The following ZNF451 variants were observed in gnomAD, a reference collection of about 807,000 sequenced individuals.
ZNF451 encodes the protein E3 SUMO-protein ligase ZNF451.
In ZNF451, 80 loss-of-function variants were observed where a neutral mutation model predicts 107.1. That is an observed-to-expected ratio of 0.75 (90% confidence interval 0.62 to 0.90). The LOEUF is 0.90. ZNF451 is among the 40% of genes least tolerant of loss of function. The pLI, the probability that ZNF451 is intolerant of heterozygous loss-of-function variation, is 0.00. For missense variants in ZNF451, 1,107 were observed against 1,236.2 expected (o/e 0.90, Z 1.57); for synonymous variants, 362 against 406.5 (o/e 0.89, Z 1.32).
intron 3 of ZNF451, among the ~76,000 whole-genome samples, chr6:57,111,295 A>G (rs1047232392): frequency 6.6e-6 from 1 of 150,772 alleles, no homozygotes; most frequent in Non-Finnish European, 1.5e-5. Flanking sequence ...CAGAGGTGGA[A>G]CAGTGGCACT....
intron 8 of ZNF451, 131 bp from the exon 9 acceptor site, chr6:57,141,817 A>G (rs1050386373): frequency 5.0e-6 from 4 of 797,214 alleles, no homozygotes; most frequent in Non-Finnish European, 7.6e-6. Flanking sequence ...GGCTTCCCTT[A>G]GATTTTTATT....
intron 3 of ZNF451, chr6:57,103,434 C>T (rs1313886228): frequency 1.0e-6 from 1 of 985,210 alleles, no homozygotes; most frequent in Non-Finnish European, 1.2e-6. Context: ...CCCAATTGGT[C>T]CCATTAATAG....
intron 10 of ZNF451, 35 bp from the exon 11 acceptor site, chr6:57,150,684 T>A (rs1352521723): frequency 1.3e-6 from 2 of 1,558,300 alleles, no homozygotes; most frequent in Non-Finnish European, 1.7e-6. Context: ...TAGCAAATTC[T>A]TACTGAACTC....
chr6:57,147,823 A>C lies in ZNF451; in HGVS notation c.1738A>C (p.Asn580His). ...TLPSSSTTLD[N>H]LTANKPSSAI... ...GCCATCATCCTCTACAACATTGGATAATTTGACTGCTAACAAGCCTTCATC... is the reference window on the plus strand; with the variant it reads ...GCCATCATCCTCTACAACATTGGATCATTTGACTGCTAACAAGCCTTCATC... The change falls in exon 10 of 15, where the codon AAT becomes CAT. Residue 580 changes from asparagine to histidine, a missense_variant. Physicochemically the swap from Asn to His is moderately conservative, Grantham distance 68. Transcript: ENST00000370706. The C allele has an allele frequency of 6.2e-7, 1 of 1,614,104 alleles. No homozygotes were observed. The highest frequency in any genetic ancestry group is 8.5e-7 in the Non-Finnish European group (1 of 1,179,992).
At chr6:57,103,515 A>C (rs1829704015) in intron 3 of ZNF451, 1 of 985,364 alleles carries the variant, frequency 1.0e-6, no homozygotes, top group Non-Finnish European at 1.2e-6. Context: ...CTTTAGACTC[A>C]AGGTAGTGGA....
intron 3 of ZNF451, among the ~76,000 whole-genome samples, chr6:57,111,497 C>CAGCCTCCCGAGTAGCTGG (rs1254678899): frequency 2.2e-4 from 34 of 152,140 alleles, no homozygotes; most frequent in Non-Finnish European, 1.2e-4. Context: ...TCTCTTGCCT[C>CAGCCTCCCGAGTAGCTGG]AGCCTCCCGA....
rs968722914 is a variant in ZNF451 at position 57,099,388 on chromosome 6, T to C, written c.186+247T>C. ...GGGAAATTCAGAGCCTTAGAGGTGA[T>C]ATCTGATAAAATGGAAATGGAATAA... is the stretch of plus-strand genomic sequence containing the variant. On this transcript the variant is annotated intron_variant, in intron 3 of 14. Coordinates refer to ENST00000370706, the MANE Select transcript of ZNF451 (RefSeq NM_001031623.3). 2.6e-5 allele frequency: 18 copies of C among 705,582 alleles called. No homozygotes were observed. The Admixed American group carries it at 3.8e-4, about 15-fold the overall frequency. The allele number at this position is 705,582 out of a possible 1,614,324, so 43.7% of individuals were successfully genotyped here.
intron 7 of ZNF451, among the ~76,000 whole-genome samples, chr6:57,138,792 ATTTTT>A (rs397973821): frequency 2.6e-5 from 2 of 77,624 alleles, no homozygotes; most frequent in East Asian, 6.8e-4. Context: ...TATATATAAA[ATTTTT>A]TTTTTTTTTT....
At chr6:57,153,839 T>C (rs1763268763) in intron 12 of ZNF451, 22 bp from the exon 13 acceptor site, 1 of 1,612,134 alleles carries the variant, frequency 6.2e-7, no homozygotes, top group Non-Finnish European at 8.5e-7. Flanking sequence ...TTTATCAACC[T>C]GTGCCATTTG....
At chr6:57,115,960 T>A (rs1593106639) in intron 3 of ZNF451, 1 of 152,036 alleles carries the variant, frequency 6.6e-6, no homozygotes, top group African/African-American at 2.4e-5. Context: ...TTAAAAAAAA[T>A]AATGATTTTT....
chr6:57,124,605 C>T, intron 3 of ZNF451, 129 bp from the exon 4 acceptor site: 2 of 747,148 alleles, frequency 2.7e-6, no homozygotes, highest in East Asian at 2.7e-5. Context: ...ATAAAACCTA[C>T]AATACACAAA....
chr6:57,142,214 T>C, intron 9 of ZNF451, 119 bp downstream of exon 9: 2 of 1,236,442 alleles, frequency 1.6e-6, no homozygotes, highest in Non-Finnish European at 2.2e-6. Flanking sequence ...TACAGTTGCC[T>C]GGAAATTAGC....
chr6:57,121,085 T>G (rs1273441136), intron 3 of ZNF451, among the ~76,000 whole-genome samples: 1 of 152,316 alleles, frequency 6.6e-6, no homozygotes, highest in East Asian at 1.9e-4. Context: ...GGGTCTAGAT[T>G]CATTGTTTTT....
chr6:57,165,737 A>ATGCTATATC (rs1450540256), intron 14 of ZNF451: 2 of 152,188 alleles, frequency 1.3e-5, no homozygotes, highest in African/African-American at 4.8e-5. Context: ...TTTGTCACCC[A>ATGCTATATC]TGCTATATCA....
In ZNF451 at chr6:57,100,860, A is replaced by C. The variant is rs538885829; in HGVS notation, c.186+1719A>C. 2.5e-4 allele frequency: 392 copies of C among 1,549,338 alleles called. 5 individuals are homozygous for C. In the South Asian group the frequency reaches 4.4e-3, roughly 17 times the overall value. Reference sequence around the variant, plus strand: ...CACAGAATTTTCAGACTCTGCCTTCATCTCCACTTCTGGTCCCCCAAGAAT... The same window carrying C: ...CACAGAATTTTCAGACTCTGCCTTCCTCTCCACTTCTGGTCCCCCAAGAAT... On this transcript the variant is annotated intron_variant, in intron 3 of 14. Coordinates refer to ENST00000370706, the MANE Select transcript of ZNF451 (RefSeq NM_001031623.3).
intron 14 of ZNF451, 43 bp downstream of exon 14, chr6:57,161,195 GTATTT>G: frequency 1.7e-6 from 2 of 1,209,530 alleles, no homozygotes; most frequent in Non-Finnish European, 2.2e-6. Flanking sequence ...GACTGTATCT[GTATTT>G]TTTTTTTAAA....
rs1829623837 is a variant in ZNF451 at position 57,102,032 on chromosome 6, G to A, written c.186+2891G>A. 3.9e-6 allele frequency: 6 copies of A among 1,548,698 alleles called. No individual in the cohort carries two copies. In the South Asian group the frequency reaches 4.8e-5, roughly 12 times the overall value. On this transcript the variant is annotated intron_variant, in intron 3 of 14. Coordinates refer to ENST00000370706, the MANE Select transcript of ZNF451 (RefSeq NM_001031623.3). The stretch of plus-strand genomic sequence containing the variant: ...TCCAAAGGGGATTGGTACAAACCTC[G>A]AAACCACCCCTATAGATATAGAAAG...
intron 2 of ZNF451, among the ~76,000 whole-genome samples, chr6:57,098,054 C>T (rs965582583): frequency 9.3e-5 from 14 of 150,716 alleles, no homozygotes; most frequent in African/African-American, 3.4e-4. Context: ...ACTGCAACTG[C>T]TGCCTCCCAG....
At chr6:57,123,001 T>G (rs2127958285) in intron 3 of ZNF451, among the ~76,000 whole-genome samples, 1 of 152,082 alleles carries the variant, frequency 6.6e-6, no homozygotes, top group Non-Finnish European at 1.5e-5. Flanking sequence ...ACAGCAAGCC[T>G]CCATCTCTAC....
Sources: gnomAD v4.1 joint callset for allele counts (sites outside exome capture counted in the v4.1 genomes callset) on GRCh38, gnomAD v4.1.1 for gene constraint, MANE v1.5 for transcripts, NCBI Gene and HGNC (gene_info 2026-07-23, HGNC 2026-07-21) for gene names.